Variants in RAB44 observed in about 807,000 individuals in gnomAD.
The protein encoded by RAB44 is ras-related protein Rab-44.
RAB44 carries 67 observed loss-of-function variants against 93.3 expected under a neutral mutation model. The ratio of observed to expected loss-of-function variants is 0.72; its 90% CI spans 0.59 to 0.88. The LOEUF is 0.88. Ranked by LOEUF, RAB44 falls within the 40% of genes least tolerant of loss-of-function variation. The pLI is 0.00. For missense variants in RAB44, 1,064 were observed against 1,261.7 expected, an observed-to-expected ratio of 0.84 and a Z score of 2.37; for synonymous variants, 427 against 520.3, an observed-to-expected ratio of 0.82 and a Z score of 2.44.
At position 36,704,319 on chromosome 6, in the gene RAB44, T is replaced by G; in HGVS notation, c.84T>G (p.Gly28=). ...RRRQTREPAD[G]EGAAVAPEPE... The stretch of plus-strand genomic sequence containing the variant: ...GGCAGACAAGAGAGCCAGCTGATGG[T>G]GAAGGCGCTGCAGTGGCCCCAGAGC... The change falls in exon 2 of 14, where the codon GGT becomes GGG. Residue 28 remains glycine (G), a synonymous_variant. Coordinates refer to ENST00000612677, the MANE Select transcript of RAB44 (RefSeq NM_001257357.2). 1 of 1,536,124 alleles carries G rather than the reference T, an allele frequency of 6.5e-7. No individual in the cohort carries two copies. Among genetic ancestry groups the G allele is most frequent in the Non-Finnish European group, 8.7e-7 (1 of 1,146,890 alleles).
At chr6:36,700,651 TG>T (rs1396817968) in intron 1 of RAB44, among the ~76,000 whole-genome samples, 1 of 151,984 alleles carries the variant, frequency 6.6e-6, no homozygotes, top group African/African-American at 2.4e-5. Context: ...TTGCCCAGGC[TG>T]GTCCTGAACT....
chr6:36,709,777 G>T (rs1237691102), intron 2 of RAB44, among the ~76,000 whole-genome samples: 1 of 152,054 alleles, frequency 6.6e-6, no homozygotes, highest in East Asian at 1.9e-4. Context: ...AGCTGGTCTC[G>T]AACTCCTGAC....
intron 7 of RAB44, among the ~76,000 whole-genome samples, chr6:36,720,007 A>T (rs2150336055): frequency 6.6e-6 from 1 of 152,248 alleles, no homozygotes; most frequent in East Asian, 1.9e-4. Flanking sequence ...TTGCTGTTGG[A>T]TCAGGAGCCC....
intron 4 of RAB44, among the ~76,000 whole-genome samples, chr6:36,716,088 C>A (rs1212577338): frequency 1.3e-5 from 2 of 152,160 alleles, no homozygotes; most frequent in Non-Finnish European, 2.9e-5. Flanking sequence ...GCATTTTGTG[C>A]CCTGGGTTGA....
In RAB44 at chr6:36,717,457, A is replaced by G. The variant is rs1202022062; in HGVS notation, c.641+38A>G. On this transcript the variant is annotated intron_variant, in intron 5 of 13. Coordinates refer to ENST00000612677, the MANE Select transcript of RAB44 (RefSeq NM_001257357.2). The surrounding 1 kb of genome is among the most constrained non-coding windows in gnomAD (Gnocchi z 4.1). ...CCTGGCCGGGTGTCTGATACGAAGT[A>G]GGTGCTCTTCACATTCCAGTGGAAT... 1 of 1,231,868 alleles carries G rather than the reference A, an allele frequency of 8.1e-7. No individual in the cohort carries two copies. Among genetic ancestry groups the G allele is most frequent in the East Asian group, 3.2e-5 (1 of 31,710 alleles). The allele number at this position is 1,231,868 out of a possible 1,614,324, so 76.3% of individuals were successfully genotyped here.
Position 36,715,556 on chromosome 6 carries a change from A to G in RAB44, c.397A>G (p.Thr133Ala). 6.5e-7 allele frequency: 1 copy of G among 1,536,172 alleles called. No homozygotes were observed. Among genetic ancestry groups the G allele is most frequent in the African/African-American group, 1.4e-5 (1 of 73,184 alleles). ...ACTGCCCTCTAAGCGGGTATCTGCTACCACCAGCTTCCCAGCTCTGGAGGA... is the reference window on the plus strand; with the variant it reads ...ACTGCCCTCTAAGCGGGTATCTGCTGCCACCAGCTTCCCAGCTCTGGAGGA... ...KPLPSKRVSA[T>A]TSFPALEEAD... Residue 133 changes from threonine to alanine, a missense_variant, in exon 4 of 14, where the codon ACC becomes GCC. Coordinates refer to ENST00000612677, the MANE Select transcript of RAB44 (RefSeq NM_001257357.2).
At chr6:36,701,952 G>T (rs1048010134) in intron 1 of RAB44, among the ~76,000 whole-genome samples, 3 of 152,072 alleles carry the variant, frequency 2.0e-5, no homozygotes, top group African/African-American at 7.3e-5. Context: ...GAAACATATG[G>T]ATTGCAGCGG....
intron 10 of RAB44, among the ~76,000 whole-genome samples, chr6:36,726,952 A>G (rs569490166): frequency 4.6e-5 from 7 of 151,170 alleles, no homozygotes; most frequent in African/African-American, 1.7e-4. Context: ...AGACACATAC[A>G]ACCACATCCA....
chr6:36,723,972 C>CA (rs1221326452), intron 9 of RAB44, among the ~76,000 whole-genome samples: 1 of 151,530 alleles, frequency 6.6e-6, no homozygotes, highest in Non-Finnish European at 1.5e-5. Flanking sequence ...CGGTAAATGA[C>CA]AGCCCCCCAC....
rs537317729 is a variant in RAB44 at position 36,730,783 on chromosome 6, C to A, written c.2975+34C>A. The A allele has an allele frequency of 6.7e-4, 736 of 1,093,052 alleles. 1 individual carries two copies. The highest frequency in any genetic ancestry group is 7.7e-4 in the Non-Finnish European group (674 of 869,944). The allele number at this position is 1,093,052 out of a possible 1,614,324, so 67.7% of individuals were successfully genotyped here. A position where few individuals can be genotyped will look rare whatever the true frequency, so the allele number is the denominator to read the frequency against. ...TGCCCGCCCCCCGCCGCCCCCACCC[C>A]CCCCCTTGCAGAATCCTCTGGGACA... On this transcript the variant is annotated intron_variant, in intron 13 of 13. Transcript: ENST00000612677.
At chr6:36,715,119 T>G (rs1468112848) in intron 3 of RAB44, among the ~76,000 whole-genome samples, 2 of 140,234 alleles carry the variant, frequency 1.4e-5, no homozygotes, top group East Asian at 3.9e-4. Context: ...ATATATATAT[T>G]CTTTTCAACT....
intron 1 of RAB44, among the ~76,000 whole-genome samples, chr6:36,699,106 C>T (rs1762452343): frequency 6.6e-6 from 1 of 152,100 alleles, no homozygotes. Context: ...CTGCTGCCTT[C>T]CTGCCCCAGG....
Position 36,718,564 on chromosome 6 carries a change from G to T in RAB44, c.804G>T (p.Gln268His). ...TAGAGGCCAAGGAGCGCGAGGTGCA[G>T]CGACTAGCTGAGGGCCAGAGGGAGG... ...DVLEAKEREV[Q>H]RLAEGQRELE... Residue 268 changes from glutamine to histidine, a missense_variant, in exon 7 of 14, where the codon CAG becomes CAT. Gln to His is a conservative substitution (Grantham distance 24). Transcript: ENST00000612677. 8.1e-7 allele frequency: 1 copy of T among 1,234,264 alleles called. No individual in the cohort carries two copies. Among genetic ancestry groups the T allele is most frequent in the Non-Finnish European group, 1.0e-6 (1 of 988,120 alleles). 76.5% of individuals were successfully genotyped at this position (1,234,264 alleles called of 1,614,324 possible).
At chr6:36,700,618 T>G (rs1287177595) in intron 1 of RAB44, among the ~76,000 whole-genome samples, 4 of 151,878 alleles carry the variant, frequency 2.6e-5, no homozygotes, top group Non-Finnish European at 1.5e-5. Flanking sequence ...TATTTTATTT[T>G]GTAGAGACAG....
intron 7 of RAB44, among the ~76,000 whole-genome samples, chr6:36,718,887 T>G (rs994377539): frequency 2.0e-5 from 3 of 150,970 alleles, no homozygotes; most frequent in Admixed American, 2.0e-4. Context: ...TGTGGTTGAG[T>G]GTTTGGGTCT....
chr6:36,715,730 G>A (rs1762904134), intron 4 of RAB44, 77 bp downstream of exon 4: 3 of 1,439,412 alleles, frequency 2.1e-6, no homozygotes, highest in African/African-American at 1.4e-5. Flanking sequence ...GACACAGCAG[G>A]GGTCAAGGGG....
At position 36,728,623 on chromosome 6, in the gene RAB44, T is replaced by G. The variant is rs1763291142; in HGVS notation, c.2797-77T>G. Reference sequence around the variant, plus strand: ...AGGGGGAACATGCGGGGGACACAGTTCAGCTTCTAGGAAGGCAAATGTGCC... The same window carrying G: ...AGGGGGAACATGCGGGGGACACAGTGCAGCTTCTAGGAAGGCAAATGTGCC... On this transcript the variant is annotated intron_variant, in intron 11 of 13. Coordinates refer to ENST00000612677, the MANE Select transcript of RAB44 (RefSeq NM_001257357.2). 4.2e-6 allele frequency: 5 copies of G among 1,200,674 alleles called. No homozygotes were observed. In the African/African-American group the frequency reaches 6.0e-5, roughly 14 times the overall value. The allele number at this position is 1,200,674 out of a possible 1,614,324, so 74.4% of individuals were successfully genotyped here. A position where few individuals can be genotyped will look rare whatever the true frequency, so the allele number is the denominator to read the frequency against.
In RAB44 at chr6:36,717,892, A is replaced by T; in HGVS notation, c.642-136A>T. On this transcript the variant is annotated intron_variant, in intron 5 of 13. Coordinates refer to ENST00000612677, the MANE Select transcript of RAB44 (RefSeq NM_001257357.2). This position sits in a 1 kb window ranked among gnomAD's most constrained non-coding sequence, Gnocchi z 4.1. ...TACTGGGATGGCTGTTCTCAGGGTG[A>T]CAGAGGTCAGTGACTGCTGGCAGAG... The T allele has an allele frequency of 2.3e-6, 1 of 429,350 alleles. No homozygotes were observed. Among genetic ancestry groups the T allele is most frequent in the Non-Finnish European group, 3.9e-6 (1 of 256,258 alleles). 26.6% of individuals were successfully genotyped at this position (429,350 alleles called of 1,614,324 possible). A position where few individuals can be genotyped will look rare whatever the true frequency, so the allele number is the denominator to read the frequency against.
intron 8 of RAB44, among the ~76,000 whole-genome samples, 170 bp downstream of exon 8, chr6:36,720,720 G>A (rs1040607284): frequency 6.6e-6 from 1 of 152,208 alleles, no homozygotes; most frequent in African/African-American, 2.4e-5. Flanking sequence ...CTCAGATGAG[G>A]AAACTGGGGC....
Sources: gnomAD v4.1 joint callset for allele counts (sites outside exome capture counted in the v4.1 genomes callset) on GRCh38, gnomAD v4.1.1 for gene constraint, Gnocchi (gnomAD v3.1) non-coding constraint, MANE v1.5 for transcripts, NCBI Gene and HGNC (gene_info 2026-07-23, HGNC 2026-07-21) for gene names.